PIP5K1B: variants seen among roughly 807,000 people sequenced by gnomAD.
The protein encoded by PIP5K1B is phosphatidylinositol-4-phosphate 5-kinase type 1 beta.
A neutral mutation model predicts 67.0 loss-of-function variants in PIP5K1B; 42 were observed. That is an observed-to-expected ratio of 0.63 (90% confidence interval 0.49 to 0.81). The LOEUF is 0.81. Ranked by LOEUF, PIP5K1B falls within the 30% of genes least tolerant of loss-of-function variation. The pLI, the probability that PIP5K1B is intolerant of heterozygous loss-of-function variation, is 0.00. For missense variants in PIP5K1B, 459 were observed against 646.3 expected (o/e 0.71, Z 3.14); for synonymous variants, 214 against 231.4 (o/e 0.92, Z 0.68).
intron 1 of PIP5K1B, among the ~76,000 whole-genome samples, chr9:68,708,626 A>G (rs1174028702): frequency 7.1e-6 from 1 of 141,430 alleles, no homozygotes. Flanking sequence ...ATGAAAGGGT[A>G]TGTCTTGACA....
chr9:68,986,645 ATAC>A (rs1830107138), intron 14 of PIP5K1B, among the ~76,000 whole-genome samples: 2 of 152,200 alleles, frequency 1.3e-5, no homozygotes, highest in Admixed American at 1.3e-4. Context: ...TGACCTTATG[ATAC>A]TACTAAGTAA....
chr9:68,945,334 C>T (rs551672956), intron 14 of PIP5K1B, among the ~76,000 whole-genome samples: 77 of 151,976 alleles, frequency 5.1e-4, no homozygotes, highest in Middle Eastern at 3.4e-3. Context: ...TTAGTAGAGG[C>T]GGAGTTTCAC....
chr9:68,768,490 C>T lies in PIP5K1B; in HGVS notation c.-86+25833C>T, dbSNP rs1252971164. On this transcript the variant is annotated intron_variant, in intron 2 of 15. Coordinates refer to ENST00000265382, the MANE Select transcript of PIP5K1B (RefSeq NM_003558.4). ...CATCAAGGGGCAGAAGAGGAATTCA[C>T]AGTCCTGGGGAAGGAAGGCATAGAC... Among the ~76,000 whole-genome samples, 3 of 152,196 alleles carry T rather than the reference C, an allele frequency of 2.0e-5. No homozygotes were observed. The East Asian group carries it at 5.8e-4, about 29-fold the overall frequency.
intron 4 of PIP5K1B, among the ~76,000 whole-genome samples, chr9:68,846,434 T>G (rs1242995153): frequency 2.0e-5 from 3 of 152,206 alleles, no homozygotes; most frequent in African/African-American, 7.2e-5. Flanking sequence ...TAAATTCTTA[T>G]GAATTTAGAG....
chr9:68,737,137 G>A (rs1828777854), intron 1 of PIP5K1B, among the ~76,000 whole-genome samples: 3 of 152,016 alleles, frequency 2.0e-5, no homozygotes, highest in Non-Finnish European at 2.9e-5. Flanking sequence ...TAAATTATTG[G>A]TAAATATATA....
chr9:68,962,236 T>G (rs1828790849), intron 14 of PIP5K1B, among the ~76,000 whole-genome samples: 1 of 150,870 alleles, frequency 6.6e-6, no homozygotes, highest in South Asian at 2.1e-4. Context: ...AAACATTTCC[T>G]TGTACACAGA....
At position 68,905,653 on chromosome 9, in the gene PIP5K1B, T is replaced by C. The variant is rs373144672; in HGVS notation, c.771+11015T>C. Among the ~76,000 whole-genome samples, 74 of 152,336 alleles carry C rather than the reference T, an allele frequency of 4.9e-4. No homozygotes were observed. The East Asian group carries it at 8.5e-3, about 17-fold the overall frequency. On this transcript the variant is annotated intron_variant, in intron 8 of 15. Coordinates refer to ENST00000265382, the MANE Select transcript of PIP5K1B (RefSeq NM_003558.4). ...CAGTGCATTGTGTACCTGTCAGACA[T>C]GACCTTGTCTTCCTCCCAGAAGCTT... is the stretch of plus-strand genomic sequence containing the variant.
intron 8 of PIP5K1B, among the ~76,000 whole-genome samples, chr9:68,897,233 T>C (rs1013365350): frequency 3.3e-5 from 5 of 152,126 alleles, no homozygotes; most frequent in African/African-American, 1.2e-4. Context: ...GTTAGAGAAA[T>C]GTATTACTGT....
intron 11 of PIP5K1B, among the ~76,000 whole-genome samples, chr9:68,921,181 C>T (rs1300032050): frequency 6.6e-6 from 1 of 152,162 alleles, no homozygotes; most frequent in East Asian, 1.9e-4. Context: ...AACCTCTAAG[C>T]TGGGTGTAGG....
intron 2 of PIP5K1B, among the ~76,000 whole-genome samples, chr9:68,815,765 A>G (rs1218465405): frequency 1.3e-5 from 2 of 152,136 alleles, no homozygotes; most frequent in Non-Finnish European, 2.9e-5. Context: ...TTATGAAAAT[A>G]TGCTTTTAAG....
chr9:68,933,665 A>G (rs1213103449), intron 12 of PIP5K1B, among the ~76,000 whole-genome samples: 1 of 152,182 alleles, frequency 6.6e-6, no homozygotes, highest in African/African-American at 2.4e-5. Flanking sequence ...CCTCTTCCTC[A>G]TACATGTGGA....
intron 6 of PIP5K1B, among the ~76,000 whole-genome samples, chr9:68,877,905 C>T (rs1308449945): frequency 6.6e-6 from 1 of 152,082 alleles, no homozygotes; most frequent in Non-Finnish European, 1.5e-5. Context: ...TACTGCTGCC[C>T]TTAAATGTAT....
At chr9:68,996,093 G>A (rs531058124) in intron 15 of PIP5K1B, among the ~76,000 whole-genome samples, 2 of 152,268 alleles carry the variant, frequency 1.3e-5, no homozygotes, top group South Asian at 4.1e-4. Context: ...ATACAGTAAT[G>A]TATAATACCA....
At chr9:69,004,204 T>C (rs1229247843) in intron 15 of PIP5K1B, among the ~76,000 whole-genome samples, 1 of 152,356 alleles carries the variant, frequency 6.6e-6, no homozygotes, top group East Asian at 1.9e-4. Context: ...ACTCTACTTT[T>C]ACTTTTTATG....
At chr9:69,007,674 A>C (rs34326137) in intron 15 of PIP5K1B, among the ~76,000 whole-genome samples, 1 of 152,040 alleles carries the variant, frequency 6.6e-6, no homozygotes, top group Non-Finnish European at 1.5e-5. Context: ...TGGCTAACAC[A>C]GTGAAACCCC....
rs1255773523 is a variant in PIP5K1B, at chr9:68,929,685, T to TG, written c.1202-5205_1202-5204insG. ...TTGTTTTTGTTTTTGTTTTTGTTTT[T>TG]TTGAGATGGAGTCTCACTCTGTTGC... is the stretch of plus-strand genomic sequence containing the variant. On this transcript the variant is annotated intron_variant, in intron 12 of 15. Transcript: ENST00000265382. Among the ~76,000 whole-genome samples, 614 of 152,320 alleles carry TG rather than the reference T, an allele frequency of 4.0e-3. 1 individual carries two copies. Among genetic ancestry groups the TG allele is most frequent in the Non-Finnish European group, 6.5e-3 (445 of 68,032 alleles).
At chr9:68,801,386 T>C (rs988286585) in intron 2 of PIP5K1B, among the ~76,000 whole-genome samples, 4 of 152,086 alleles carry the variant, frequency 2.6e-5, no homozygotes, top group African/African-American at 9.7e-5. Flanking sequence ...TTTCTTTCAG[T>C]TGGGCTGAAT....
intron 14 of PIP5K1B, among the ~76,000 whole-genome samples, chr9:68,957,156 A>G (rs997508015): frequency 6.6e-6 from 1 of 151,900 alleles, no homozygotes; most frequent in Non-Finnish European, 1.5e-5. Context: ...TTGTGGCCTC[A>G]TAGTTACAAG....
At chr9:68,887,973 T>G (rs527728776) in intron 6 of PIP5K1B, among the ~76,000 whole-genome samples, 2 of 136,008 alleles carry the variant, frequency 1.5e-5, no homozygotes, top group African/African-American at 5.3e-5. Context: ...GAGACTGGAA[T>G]CCAGCCTTTT....
Sources: allele counts gnomAD v4.1 joint callset (sites outside exome capture counted in the v4.1 genomes callset), GRCh38; gene constraint gnomAD v4.1.1; transcripts MANE v1.5; gene names NCBI Gene and HGNC (gene_info 2026-07-23, HGNC 2026-07-21).